Variants in DSG2 observed in about 807,000 individuals in gnomAD.
DSG2 encodes desmoglein-2.
In DSG2, 45 loss-of-function variants were observed where a neutral mutation model predicts 75.6. That is an observed-to-expected ratio of 0.60 (90% CI 0.47 to 0.76). The LOEUF is 0.76. DSG2 is among the 30% of genes least tolerant of loss of function. The pLI, the probability that DSG2 is intolerant of heterozygous loss-of-function variation, is 0.00. For synonymous variants in DSG2, 429 were observed against 483.9 expected, an observed-to-expected ratio of 0.89 and a Z score of 1.49; for missense variants, 1,267 against 1,357.4, an observed-to-expected ratio of 0.93 and a Z score of 1.05.
Position 31,548,398 on chromosome 18 carries a change from T to C in DSG2, c.*1655T>C, listed in dbSNP as rs994940367. On this transcript the variant is annotated 3_prime_UTR_variant, in exon 15 of 15. Transcript: ENST00000261590. ...TGAAACTTTAAAATTTTGTAGATTT[T>C]AAAAAATATTGTTGAATGGTGTCAT... is the stretch of plus-strand genomic sequence containing the variant. The C allele has an allele frequency of 6.6e-6, 1 of 152,170 alleles. No individual in the cohort carries two copies. Among genetic ancestry groups the C allele is most frequent in the Non-Finnish European group, 1.5e-5 (1 of 68,032 alleles). 9.4% of individuals were successfully genotyped at this position (152,170 alleles called of 1,614,324 possible). A position where few individuals can be genotyped will look rare whatever the true frequency, so the allele number is the denominator to read the frequency against.
chr18:31,519,868 C>T lies in DSG2; in HGVS notation c.147C>T (p.Arg49=), dbSNP rs531036279. Reference sequence around the variant, plus strand: ...ATCCTCATTTAGTGCGGCAAAAGCGCGCCTGGATCACCGCCCCCGTGGCTC... The same window carrying T: ...ATCCTCATTTAGTGCGGCAAAAGCGTGCCTGGATCACCGCCCCCGTGGCTC... ...PKHPHLVRQK[R]AWITAPVALR... The change falls in exon 3 of 15, where the codon CGC becomes CGT. Residue 49 remains arginine (R), a synonymous_variant. Transcript: ENST00000261590. The T allele has an allele frequency of 3.1e-5, 50 of 1,614,096 alleles. No individual in the cohort carries two copies. The highest frequency in any genetic ancestry group is 2.0e-4 in the Admixed American group (12 of 60,020).
chr18:31,513,630 ACT>A, intron 1 of DSG2, among the ~76,000 whole-genome samples: 1 of 152,234 alleles, frequency 6.6e-6, no homozygotes, highest in Non-Finnish European at 1.5e-5. Context: ...AGTATGTATT[ACT>A]CTCCTGTTAC....
At chr18:31,532,154 G>T (rs538759878) in intron 9 of DSG2, among the ~76,000 whole-genome samples, 2 of 152,172 alleles carry the variant, frequency 1.3e-5, no homozygotes, top group Non-Finnish European at 2.9e-5. Flanking sequence ...ATAAACAGCA[G>T]ATTTGTTACT....
intron 14 of DSG2, among the ~76,000 whole-genome samples, chr18:31,545,101 CTGTT>C (rs2073295911): frequency 6.6e-6 from 1 of 152,122 alleles, no homozygotes. Context: ...TTCTAGCGTC[CTGTT>C]TGTTTTCTTT....
chr18:31,547,794 T>C lies in DSG2; in HGVS notation c.*1051T>C, dbSNP rs538892613. On this transcript the variant is annotated 3_prime_UTR_variant, in exon 15 of 15. Transcript: ENST00000261590. ...TAATCCAAAACAAAATTTATAAGTATAAAATAATTTTACTTCTTATAGTAA... is the reference window on the plus strand; with the variant it reads ...TAATCCAAAACAAAATTTATAAGTACAAAATAATTTTACTTCTTATAGTAA... 19 of 152,304 alleles carry C rather than the reference T, an allele frequency of 1.2e-4. No homozygotes were observed. The highest frequency in any genetic ancestry group is 4.6e-4 in the African/African-American group (19 of 41,560). 9.4% of individuals were successfully genotyped at this position (152,304 alleles called of 1,614,324 possible). A position where few individuals can be genotyped will look rare whatever the true frequency, so the allele number is the denominator to read the frequency against.
rs756426150 is a variant in DSG2 at position 31,538,755 on chromosome 18, C to T, written c.1656C>T (p.Thr552=). The T allele has an allele frequency of 1.5e-5, 24 of 1,613,806 alleles. No individual in the cohort carries two copies. Among genetic ancestry groups the T allele is most frequent in the South Asian group, 1.1e-5 (1 of 91,072 alleles). The change falls in exon 12 of 15, where the codon ACC becomes ACT. Residue 552 remains threonine, a synonymous_variant. Transcript: ENST00000261590. ...EKWKIARQES[T]SVLLQQSEKK... is the part of the protein sequence containing the mutation. ...TTCTGCCTCCCAACCTTGTAGGTAC[C>T]AGTGTGCTGCTGCAACAAAGTGAGA...
At chr18:31,531,682 C>T (rs1320550220) in intron 9 of DSG2, among the ~76,000 whole-genome samples, 2 of 152,294 alleles carry the variant, frequency 1.3e-5, no homozygotes, top group South Asian at 4.1e-4. Flanking sequence ...TTACTTAACG[C>T]ATATATCTTG....
rs762717195 is a variant in DSG2, at chr18:31,546,382, C to G, written c.2996C>G (p.Ser999Trp). ...ERVIQPHGGG[S>W]NPLEGTQHLQ... Reference sequence around the variant, plus strand: ...GTAATACAGCCTCATGGGGGTGGATCGAATCCTCTGGAAGGCACTCAGCAT... The same window carrying G: ...GTAATACAGCCTCATGGGGGTGGATGGAATCCTCTGGAAGGCACTCAGCAT... Residue 999 changes from serine to tryptophan, a missense_variant, in exon 15 of 15, where the codon TCG (serine) becomes TGG (tryptophan). Coordinates refer to ENST00000261590, the MANE Select transcript of DSG2 (RefSeq NM_001943.5). 3.7e-6 allele frequency: 6 copies of G among 1,614,004 alleles called. No homozygotes were observed. The highest frequency in any genetic ancestry group is 4.2e-6 in the Non-Finnish European group (5 of 1,179,988).
chr18:31,528,667 G>A (rs763469413), intron 8 of DSG2, among the ~76,000 whole-genome samples: 3 of 145,896 alleles, frequency 2.1e-5, no homozygotes, highest in Non-Finnish European at 3.0e-5. Context: ...CCAGCATCAC[G>A]TCACTTCATC....
chr18:31,502,182 T>A (rs2073016800), intron 1 of DSG2, among the ~76,000 whole-genome samples: 1 of 152,202 alleles, frequency 6.6e-6, no homozygotes, highest in African/African-American at 2.4e-5. Context: ...TCTCTGATTA[T>A]TAGAAATCCC....
At chr18:31,500,757 G>T (rs930203617) in intron 1 of DSG2, among the ~76,000 whole-genome samples, 1 of 152,042 alleles carries the variant, frequency 6.6e-6, no homozygotes, top group Non-Finnish European at 1.5e-5. Context: ...GTATCAAAAT[G>T]GGAAAAAGAA....
intron 8 of DSG2, 79 bp downstream of exon 8, chr18:31,524,967 C>G (rs1209224903): frequency 7.6e-7 from 1 of 1,314,124 alleles, no homozygotes; most frequent in African/African-American, 1.5e-5. Flanking sequence ...GCCCTGAACA[C>G]TTAAAAGTGC....
At chr18:31,511,478 G>C (rs887568590) in intron 1 of DSG2, among the ~76,000 whole-genome samples, 19 of 152,202 alleles carry the variant, frequency 1.2e-4, no homozygotes, top group African/African-American at 4.6e-4. Flanking sequence ...TAAGGAACCA[G>C]ATCCAAATTA....
At chr18:31,537,898 G>A (rs12607944) in intron 11 of DSG2, among the ~76,000 whole-genome samples, 33,114 of 151,806 alleles carry the variant, frequency 0.22, 4,377 homozygotes, top group East Asian at 0.46. Context: ...AGCTACTCAG[G>A]AGGCTGAGGC....
chr18:31,508,639 C>T (rs1272407326), intron 1 of DSG2, among the ~76,000 whole-genome samples: 1 of 152,114 alleles, frequency 6.6e-6, no homozygotes. Context: ...GGTGATCTGC[C>T]TACCTCTGCC....
intron 1 of DSG2, among the ~76,000 whole-genome samples, chr18:31,503,338 T>A (rs2073023371): frequency 6.6e-6 from 1 of 152,190 alleles, no homozygotes; most frequent in South Asian, 2.1e-4. Context: ...CCAGCTGGTA[T>A]CTGAGAATAA....
chr18:31,542,737 T>C lies in DSG2; in HGVS notation c.2219T>C (p.Met740Thr). 1.9e-6 allele frequency: 3 copies of C among 1,614,166 alleles called. No homozygotes were observed. Among genetic ancestry groups the C allele is most frequent in the Non-Finnish European group, 1.7e-6 (2 of 1,180,012 alleles). Residue 740 changes from methionine (M) to threonine (T), a missense_variant, in exon 14 of 15, where the codon ATG (methionine) becomes ACG (threonine). Physicochemically the swap from Met to Thr is moderately conservative, Grantham distance 81. Coordinates refer to ENST00000261590, the MANE Select transcript of DSG2 (RefSeq NM_001943.5). ...TTTACAGGGGCCACAGGCGCTATCATGACCACTGAAACCACGAAGACCGCA... is the reference window on the plus strand; with the variant it reads ...TTTACAGGGGCCACAGGCGCTATCACGACCACTGAAACCACGAAGACCGCA... ...TQFTGATGAI[M>T]TTETTKTARA... is the part of the protein sequence containing the mutation.
chr18:31,535,128 C>A, intron 9 of DSG2, 142 bp from the exon 10 acceptor site: 1 of 682,544 alleles, frequency 1.5e-6, no homozygotes, highest in South Asian at 1.9e-5. Context: ...GATGGTTTTG[C>A]AAAATTAAAA....
chr18:31,531,934 C>G (rs2144334278), intron 9 of DSG2, among the ~76,000 whole-genome samples: 1 of 152,276 alleles, frequency 6.6e-6, no homozygotes, highest in South Asian at 2.1e-4. Context: ...ACGGAAAGAC[C>G]ATTCTCTACA....
Sources: gnomAD v4.1 joint callset for allele counts (sites outside exome capture counted in the v4.1 genomes callset) on GRCh38, gnomAD v4.1.1 for gene constraint, MANE v1.5 for transcripts, NCBI Gene and HGNC (gene_info 2026-07-23, HGNC 2026-07-21) for gene names.